Variants in QRSL1 observed in about 807,000 individuals in gnomAD.
The protein encoded by QRSL1 is glutamyl-tRNA(Gln) amidotransferase subunit A, mitochondrial.
A neutral mutation model predicts 61.6 loss-of-function variants in QRSL1; 54 were observed. That is an observed-to-expected ratio of 0.88 (90% CI 0.70 to 1.10). The LOEUF is 1.10. Ranked by LOEUF, QRSL1 falls within the 50% of genes least tolerant of loss-of-function variation. QRSL1 has a pLI of 0.00. For synonymous variants in QRSL1, 228 were observed against 225.7 expected (o/e 1.01, Z -0.09); for missense variants, 505 against 622.6 (o/e 0.81, Z 2.01).
intron 8 of QRSL1, 90 bp from the exon 9 acceptor site, chr6:106,655,525 A>G (rs1777254659): frequency 2.6e-6 from 2 of 761,950 alleles, no homozygotes; most frequent in Non-Finnish European, 2.2e-6. Context: ...AAAAAAAAAA[A>G]AAAAAAAAGT....
chr6:106,641,394 A>G lies in QRSL1; in HGVS notation c.283+473A>G, dbSNP rs143407875. Reference sequence around the variant, plus strand: ...AATAAGTATGAACTGGCTATCATCAATACCCTTCTGTGGATGACGTGAGGA... The same window carrying G: ...AATAAGTATGAACTGGCTATCATCAGTACCCTTCTGTGGATGACGTGAGGA... On this transcript the variant is annotated intron_variant, in intron 3 of 10. Transcript: ENST00000369046. Among the ~76,000 whole-genome samples, 276 of 152,330 alleles carry G rather than the reference A, an allele frequency of 1.8e-3. 2 individuals are homozygous for G. In the East Asian group the frequency reaches 0.037, roughly 20 times the overall value.
In QRSL1 at chr6:106,640,855, A is replaced by G. The variant is rs748545975; in HGVS notation, c.217A>G (p.Ile73Val). 2 of 1,613,790 alleles carry G rather than the reference A, an allele frequency of 1.2e-6. No homozygotes were observed. The highest frequency in any genetic ancestry group is 1.1e-5 in the South Asian group (1 of 91,042). ...ACTTGGGGATTTAGATGGAATTCCT[A>G]TTGCAGTAAAAGACAATTTCAGCAC... ...QSLGDLDGIP[I>V]AVKDNFSTSG... The change falls in exon 3 of 11, where the codon ATT becomes GTT. Residue 73 changes from isoleucine to valine, a missense_variant. Transcript: ENST00000369046.
chr6:106,653,649 C>T (rs1777219559), intron 7 of QRSL1: 1 of 151,768 alleles, frequency 6.6e-6, no homozygotes. Flanking sequence ...ATACAGAGCC[C>T]TATGTCTACA....
At chr6:106,651,437 T>C (rs1411724067) in intron 5 of QRSL1, among the ~76,000 whole-genome samples, 1 of 152,192 alleles carries the variant, frequency 6.6e-6, no homozygotes, top group African/African-American at 2.4e-5. Context: ...TCTGACTCAC[T>C]GCAACTAGGG....
intron 8 of QRSL1, among the ~76,000 whole-genome samples, 198 bp from the exon 9 acceptor site, chr6:106,655,417 G>A (rs564903300): frequency 2.6e-4 from 39 of 151,102 alleles, no homozygotes; most frequent in African/African-American, 8.8e-4. Context: ...TCAGGAGGCC[G>A]AGGCAGGAGA....
Position 106,655,799 on chromosome 6 carries a change from C to T in QRSL1, c.1160+67C>T, listed in dbSNP as rs1777260297. On this transcript the variant is annotated intron_variant, in intron 9 of 10. Transcript: ENST00000369046. ...TCAAGTAACATGTCTCTTATCAGGT[C>T]TTATAAGTCAAGGTATTTAGTAAAG... 3 of 972,408 alleles carry T rather than the reference C, an allele frequency of 3.1e-6. No homozygotes were observed. The Admixed American group carries it at 5.7e-5, about 19-fold the overall frequency. 60.2% of individuals were successfully genotyped at this position (972,408 alleles called of 1,614,324 possible). A position where few individuals can be genotyped will look rare whatever the true frequency, so the allele number is the denominator to read the frequency against.
rs141556737 is a variant in QRSL1 at position 106,658,292 on chromosome 6, A to C, written c.1160+2560A>C. ...GTTTTTACTTGAAGAACTTTCTTTA[A>C]TATTTCTTGTAGTCCTGTTGGCAGT... On this transcript the variant is annotated intron_variant, in intron 9 of 10. Transcript: ENST00000369046. Among the ~76,000 whole-genome samples the C allele has an allele frequency of 2.6e-5, 4 of 152,126 alleles. No individual in the cohort carries two copies. In the East Asian group the frequency reaches 7.7e-4, roughly 29 times the overall value.
rs1777203570 is a variant in QRSL1, at chr6:106,652,471, A to G, written c.738A>G (p.Ala246=). The G allele has an allele frequency of 1.2e-6, 2 of 1,614,196 alleles. No individual in the cohort carries two copies. The highest frequency in any genetic ancestry group is 1.7e-6 in the Non-Finnish European group (2 of 1,180,012). ...CATAAGTATTGCTCCTTACAGGTGC[A>G]CTGGCCGGACCTGACCCCAGGGACT... ...CVDDAAIVLG[A]LAGPDPRDST... is the part of the protein sequence containing the mutation. The change falls in exon 7 of 11, where the codon GCA becomes GCG. Residue 246 remains alanine (A), a synonymous_variant. Transcript: ENST00000369046.
rs1009072773 is a variant in QRSL1, at chr6:106,631,673, T to A, written c.24+1968T>A. On this transcript the variant is annotated intron_variant, in intron 1 of 10. Coordinates refer to ENST00000369046, the MANE Select transcript of QRSL1 (RefSeq NM_018292.5). ...TCTTATGATTGTTTTTAAAAAAAAA[T>A]TTTAATGGGTACATAGTAGGTGTAT... Among the ~76,000 whole-genome samples, 99 of 148,810 alleles carry A rather than the reference T, an allele frequency of 6.7e-4. 2 individuals carry two copies. The highest frequency in any genetic ancestry group is 2.3e-3 in the African/African-American group (91 of 40,262).
At position 106,646,833 on chromosome 6, in the gene QRSL1, C is replaced by T. The variant is rs184657440; in HGVS notation, c.381-2192C>T. ...CACAAGGTCAGGAGATTGAGACCAT[C>T]CTGGCTAACACAGTGAAACCCTGTC... On this transcript the variant is annotated intron_variant, in intron 4 of 10. Coordinates refer to ENST00000369046, the MANE Select transcript of QRSL1 (RefSeq NM_018292.5). Among the ~76,000 whole-genome samples the T allele has an allele frequency of 2.0e-4, 31 of 151,812 alleles. No homozygotes were observed. The East Asian group carries it at 6.0e-3, about 29-fold the overall frequency.
Position 106,662,961 on chromosome 6 carries a change from A to C in QRSL1, c.1161-19A>C, listed in dbSNP as rs751162316. ...AATACAAAAAATCCTTAAAAACATC[A>C]CCTACTTTTTTCCCACAGAAACTAT... On this transcript the variant is annotated intron_variant, in intron 9 of 10. Transcript: ENST00000369046. 6.4e-7 allele frequency: 1 copy of C among 1,554,084 alleles called. No individual in the cohort carries two copies. Among genetic ancestry groups the C allele is most frequent in the East Asian group, 2.2e-5 (1 of 44,570 alleles).
At chr6:106,632,009 C>T (rs1009546297) in intron 1 of QRSL1, among the ~76,000 whole-genome samples, 4 of 152,178 alleles carry the variant, frequency 2.6e-5, no homozygotes, top group African/African-American at 9.7e-5. Flanking sequence ...TCTACCTCCA[C>T]GAGGTCAATT....
At chr6:106,662,439 G>A (rs1777371730) in intron 9 of QRSL1, among the ~76,000 whole-genome samples, 1 of 150,574 alleles carries the variant, frequency 6.6e-6, no homozygotes, top group African/African-American at 2.4e-5. Context: ...TCATTTTTAT[G>A]TTAAGAATCT....
chr6:106,663,261 A>T, intron 10 of QRSL1, 76 bp downstream of exon 10: 1 of 1,429,366 alleles, frequency 7.0e-7, no homozygotes, highest in Non-Finnish European at 9.8e-7. Context: ...TTAAGATTCT[A>T]GCTAGATGGT....
chr6:106,655,824 GAAAC>G (rs1352082419), intron 9 of QRSL1, 92 bp downstream of exon 9: 36 of 803,100 alleles, frequency 4.5e-5, no homozygotes, highest in Non-Finnish European at 6.2e-6. Flanking sequence ...ATTTAGTAAA[GAAAC>G]AAAATCTTTA....
At chr6:106,638,147 C>T (rs957453757) in intron 1 of QRSL1, among the ~76,000 whole-genome samples, 4 of 152,156 alleles carry the variant, frequency 2.6e-5, no homozygotes, top group African/African-American at 9.7e-5. Context: ...GGCCTGCCTA[C>T]GTATATTTGT....
In QRSL1 at chr6:106,652,511, G is replaced by A. The variant is rs1384709045; in HGVS notation, c.778G>A (p.Glu260Lys). Residue 260 changes from glutamate to lysine, a missense_variant, in exon 7 of 11, where the codon GAA becomes AAA. Physicochemically the swap from Glu to Lys is moderately conservative, Grantham distance 56. Transcript: ENST00000369046. Reference sequence around the variant, plus strand: ...CCCCAGGGACTCTACCACAGTACATGAACCTATTAATAAACCATTCATGCT... The same window carrying A: ...CCCCAGGGACTCTACCACAGTACATAAACCTATTAATAAACCATTCATGCT... ...PDPRDSTTVH[E>K]PINKPFMLPS... 3.7e-6 allele frequency: 6 copies of A among 1,614,092 alleles called. No individual in the cohort carries two copies. Among genetic ancestry groups the A allele is most frequent in the South Asian group, 2.2e-5 (2 of 91,084 alleles).
chr6:106,641,009 G>T, intron 3 of QRSL1, 88 bp downstream of exon 3: 1 of 872,780 alleles, frequency 1.1e-6, no homozygotes. Context: ...GATAATCTCA[G>T]ACTAATTATA....
chr6:106,661,465 T>G (rs914469900), intron 9 of QRSL1, among the ~76,000 whole-genome samples: 4 of 152,080 alleles, frequency 2.6e-5, no homozygotes, highest in African/African-American at 9.7e-5. Context: ...TTAAACCACT[T>G]AGGTGTTGTC....
Sources: gnomAD v4.1 joint callset for allele counts (sites outside exome capture counted in the v4.1 genomes callset) on GRCh38, gnomAD v4.1.1 for gene constraint, MANE v1.5 for transcripts, NCBI Gene and HGNC (gene_info 2026-07-23, HGNC 2026-07-21) for gene names.